Variants in P2RY8 observed in about 807,000 individuals in gnomAD.
The protein encoded by P2RY8 is S-geranylgeranyl-glutathione receptor P2RY8.
P2RY8 carries 6 observed loss-of-function variants against 10.0 expected under a neutral mutation model. The ratio of observed to expected loss-of-function variants is 0.60; its 90% CI spans 0.33 to 1.19. P2RY8 has a LOEUF of 1.19. Among genes scored for constraint, P2RY8 ranks in the 50% most tolerant of loss-of-function variants. The probability of loss-of-function intolerance (pLI) is 0.04; values close to 1 mark genes in which losing one functional copy is unlikely to be tolerated. For missense variants in P2RY8, 456 were observed against 542.0 expected, an observed-to-expected ratio of 0.84 and a Z score of 1.58; for synonymous variants, 276 against 252.5, an observed-to-expected ratio of 1.09 and a Z score of -0.88.
chrX:1,464,252 T>A lies in P2RY8; in HGVS notation c.*1227A>T, dbSNP rs186873355. ...GTGATGTCCCAGCACCCCTGGAGAG[T>A]CAGAGCTCTTCTTTGCGCTAAACCA... On this transcript the variant is annotated 3_prime_UTR_variant, in exon 2 of 2. Coordinates refer to ENST00000381297, the MANE Select transcript of P2RY8 (RefSeq NM_178129.5). 347 of 233,162 alleles carry A rather than the reference T, an allele frequency of 1.5e-3. 4 individuals carry two copies. Among genetic ancestry groups the A allele is most frequent in the African/African-American group, 7.1e-3 (321 of 45,396 alleles). The allele number at this position is 233,162 out of a possible 1,614,324, so 14.4% of individuals were successfully genotyped here.
At chrX:1,505,242 T>C (rs2092221525) in intron 1 of P2RY8, among the ~76,000 whole-genome samples, 1 of 151,884 alleles carries the variant, frequency 6.6e-6, no homozygotes, top group African/African-American at 2.4e-5. Flanking sequence ...ACTGACGTGG[T>C]ACTCTGGCCA....
intron 1 of P2RY8, among the ~76,000 whole-genome samples, chrX:1,530,165 T>G (rs1289118691): frequency 0.034 from 154 of 4,596 alleles, no homozygotes; most frequent in African/African-American, 0.042. Context: ...ATGATCTATC[T>G]ATCTATCTAT....
chrX:1,499,110 G>C (rs2149396527), intron 1 of P2RY8, among the ~76,000 whole-genome samples: 1 of 151,228 alleles, frequency 6.6e-6, no homozygotes, highest in East Asian at 2.0e-4. Flanking sequence ...TGGGATTACA[G>C]GCATGAGCCC....
intron 1 of P2RY8, among the ~76,000 whole-genome samples, chrX:1,468,482 A>AT (rs2149373301): frequency 6.6e-6 from 1 of 152,306 alleles, no homozygotes; most frequent in South Asian, 2.1e-4. Flanking sequence ...AGGAACGCGC[A>AT]TGACTAATCA....
intron 1 of P2RY8, among the ~76,000 whole-genome samples, chrX:1,509,675 T>C (rs2092279284): frequency 2.9e-5 from 3 of 104,674 alleles, no homozygotes; most frequent in South Asian, 5.4e-4. Context: ...TGTTCATCCA[T>C]CCATCCATCC....
At position 1,469,177 on chromosome X, in the gene P2RY8, C is replaced by T. The variant is rs1387019934; in HGVS notation, c.-24-2595G>A. Among the ~76,000 whole-genome samples the T allele has an allele frequency of 1.5e-4, 20 of 137,454 alleles. No individual in the cohort carries two copies. In the Admixed American group the frequency reaches 1.5e-3, roughly 10 times the overall value. 90.2% of individuals were successfully genotyped at this position (137,454 alleles called of 152,430 possible). A position where few individuals can be genotyped will look rare whatever the true frequency, so the allele number is the denominator to read the frequency against. On this transcript the variant is annotated intron_variant, in intron 1 of 1. Coordinates refer to ENST00000381297, the MANE Select transcript of P2RY8 (RefSeq NM_178129.5). ...TCTCCTCTCCTTTCCTCTCCCCTCT[C>T]CCCTCTTTTCTTTTCGCAGTCTGTC...
intron 1 of P2RY8, among the ~76,000 whole-genome samples, chrX:1,520,282 T>C (rs1227035746): frequency 6.6e-6 from 1 of 151,556 alleles, no homozygotes; most frequent in African/African-American, 2.4e-5. Context: ...GTCATCTGCT[T>C]GGTCTCCAAT....
At chrX:1,466,720 C>CTCCT (rs1157226320) in intron 1 of P2RY8, 138 bp from the exon 2 acceptor site, 8 of 708,148 alleles carry the variant, frequency 1.1e-5, no homozygotes, top group African/African-American at 1.8e-5. Flanking sequence ...TCCTCCCTCC[C>CTCCT]TCCCTCCCTT....
At chrX:1,536,329 T>G (rs2092526722) in intron 1 of P2RY8, among the ~76,000 whole-genome samples, 1 of 151,880 alleles carries the variant, frequency 6.6e-6, no homozygotes, top group Admixed American at 6.6e-5. Context: ...TGGCGTGATC[T>G]CTGCTCACTG....
chrX:1,468,304 G>A (rs2091721033), intron 1 of P2RY8, among the ~76,000 whole-genome samples: 1 of 152,208 alleles, frequency 6.6e-6, no homozygotes, highest in African/African-American at 2.4e-5. Flanking sequence ...ACCACGTGCT[G>A]TTGAAAGTCC....
intron 1 of P2RY8, among the ~76,000 whole-genome samples, chrX:1,536,585 C>T (rs1161059334): frequency 3.9e-5 from 6 of 152,068 alleles, no homozygotes; most frequent in African/African-American, 1.4e-4. Context: ...TTAGTAGAGA[C>T]GGGGTTTCAC....
chrX:1,465,553 C>T lies in P2RY8; in HGVS notation c.1006G>A (p.Glu336Lys). Residue 336 changes from glutamate (E) to lysine (K), a missense_variant, in exon 2 of 2, where the codon GAG becomes AAG. By Grantham distance (56) the Glu-to-Lys change is moderately conservative (BLOSUM62 1). Coordinates refer to ENST00000381297, the MANE Select transcript of P2RY8 (RefSeq NM_178129.5). Reference sequence around the variant, plus strand: ...ATCCCTTCAGGGTGCGCACCGGCCTCGGAGCGCACGGACGTGGTCCTGGCG... The same window carrying T: ...ATCCCTTCAGGGTGCGCACCGGCCTTGGAGCGCACGGACGTGGTCCTGGCG... ...FSARTTSVRS[E>K]AGAHPEGMEG... The T allele has an allele frequency of 1.2e-6, 2 of 1,612,328 alleles. No homozygotes were observed. The highest frequency in any genetic ancestry group is 8.5e-7 in the Non-Finnish European group (1 of 1,179,748).
intron 1 of P2RY8, among the ~76,000 whole-genome samples, chrX:1,517,837 G>T (rs867264818): frequency 6.6e-6 from 1 of 152,116 alleles, no homozygotes; most frequent in Non-Finnish European, 1.5e-5. Context: ...GGCCACACGC[G>T]GTGGCTCACG....
chrX:1,512,611 T>C (rs1167007007), intron 1 of P2RY8, among the ~76,000 whole-genome samples: 9 of 149,748 alleles, frequency 6.0e-5, no homozygotes, highest in East Asian at 2.0e-4. Flanking sequence ...AGAGGTTTAA[T>C]GGACTCACAG....
chrX:1,490,377 C>G (rs1447302117), intron 1 of P2RY8, among the ~76,000 whole-genome samples: 1 of 148,256 alleles, frequency 6.7e-6, no homozygotes, highest in Non-Finnish European at 1.5e-5. Flanking sequence ...CCAGATATTC[C>G]CTGCAAATGT....
intron 1 of P2RY8, among the ~76,000 whole-genome samples, chrX:1,529,224 C>A (rs1353245739): frequency 2.6e-5 from 4 of 152,112 alleles, no homozygotes; most frequent in African/African-American, 4.8e-5. Context: ...AGAGTCTCTT[C>A]AATTCTACTT....
At chrX:1,494,669 G>GA (rs1384269865) in intron 1 of P2RY8, among the ~76,000 whole-genome samples, 15 of 152,052 alleles carry the variant, frequency 9.9e-5, no homozygotes, top group Non-Finnish European at 1.9e-4. Flanking sequence ...TGCTTTATGT[G>GA]AAAATACTAA....
intron 1 of P2RY8, among the ~76,000 whole-genome samples, chrX:1,536,543 C>G (rs1271668227): frequency 1.3e-5 from 2 of 151,514 alleles, no homozygotes; most frequent in Non-Finnish European, 2.9e-5. Flanking sequence ...ATTACAGGCA[C>G]CTGCCACCAC....
At chrX:1,518,967 T>C (rs1396734200) in intron 1 of P2RY8, among the ~76,000 whole-genome samples, 2 of 151,398 alleles carry the variant, frequency 1.3e-5, no homozygotes, top group Non-Finnish European at 2.9e-5. Flanking sequence ...TCCCTGGTCC[T>C]CAGTATTTTC....
Sources: gnomAD v4.1 joint callset for allele counts (sites outside exome capture counted in the v4.1 genomes callset) on GRCh38, gnomAD v4.1.1 for gene constraint, MANE v1.5 for transcripts, NCBI Gene and HGNC (gene_info 2026-07-23, HGNC 2026-07-21) for gene names.